The following PCDH15 variants were observed in gnomAD, a reference collection of about 807,000 sequenced individuals.
The protein encoded by PCDH15 is protocadherin-15.
A neutral mutation model predicts 178.5 loss-of-function variants in PCDH15; 129 were observed. That is an observed-to-expected ratio of 0.72 (90% confidence interval 0.63 to 0.84). PCDH15 has a LOEUF of 0.84. Among genes scored for constraint, PCDH15 ranks in the 40% least tolerant of loss-of-function variants. PCDH15 has a pLI of 0.00. For synonymous variants in PCDH15, 800 were observed against 732.0 expected (o/e 1.09, Z -1.50); for missense variants, 2,230 against 2,099.9 (o/e 1.06, Z -1.21).
intron 20 of PCDH15, among the ~76,000 whole-genome samples, chr10:54,017,110 G>A (rs568348725): frequency 4.6e-5 from 7 of 152,148 alleles, no homozygotes; most frequent in Non-Finnish European, 5.9e-5. Flanking sequence ...TGCAACATCC[G>A]TCTCCCGGGT....
At chr10:54,800,234 A>AT (rs779596038) in intron 1 of PCDH15, among the ~76,000 whole-genome samples, 12 of 152,130 alleles carry the variant, frequency 7.9e-5, no homozygotes, top group Non-Finnish European at 1.3e-4. Flanking sequence ...ACCAAAGTAT[A>AT]TTTTTTAAAG....
At chr10:53,957,898 GA>G (rs2087793180) in intron 23 of PCDH15, among the ~76,000 whole-genome samples, 1 of 152,046 alleles carries the variant, frequency 6.6e-6, no homozygotes, top group Admixed American at 6.6e-5. Context: ...GATTAAACAA[GA>G]ATTCTTATTT....
chr10:54,400,794 C>T (rs934330201), intron 3 of PCDH15, among the ~76,000 whole-genome samples: 8 of 151,470 alleles, frequency 5.3e-5, no homozygotes, highest in East Asian at 3.9e-4. Flanking sequence ...CAAAATATCA[C>T]CAAAATTAAA....
rs576969891 is a variant in PCDH15 at position 54,533,137 on chromosome 10, T to C, written c.92-5260A>G. On this transcript the variant is annotated intron_variant, in intron 2 of 37. Transcript: ENST00000644397. ...AATATTTAATATAAGAAATTTTTGG[T>C]CTTTATTTAGAAGTGTGGTGATGTT... is the stretch of plus-strand genomic sequence containing the variant. Among the ~76,000 whole-genome samples, 4 of 152,344 alleles carry C rather than the reference T, an allele frequency of 2.6e-5. No homozygotes were observed. In the South Asian group the frequency reaches 6.2e-4, roughly 24 times the overall value.
intron 2 of PCDH15, among the ~76,000 whole-genome samples, chr10:54,937,442 C>T (rs1193593610): frequency 6.6e-6 from 1 of 151,738 alleles, no homozygotes; most frequent in Admixed American, 6.6e-5. Context: ...TCTCCTAATC[C>T]CTGAACATAA....
intron 1 of PCDH15, among the ~76,000 whole-genome samples, chr10:55,286,118 GTTTC>G (rs1454096395): frequency 6.6e-6 from 1 of 151,804 alleles, no homozygotes; most frequent in Non-Finnish European, 1.5e-5. Flanking sequence ...ACCTACGCAT[GTTTC>G]TTTCTTTTCC....
At chr10:53,968,242 C>A (rs2089264310) in intron 21 of PCDH15, among the ~76,000 whole-genome samples, 1 of 152,154 alleles carries the variant, frequency 6.6e-6, no homozygotes, top group Non-Finnish European at 1.5e-5. Flanking sequence ...ACCCATGAAG[C>A]CTCACTCACT....
intron 3 of PCDH15, among the ~76,000 whole-genome samples, chr10:54,839,700 A>G (rs1953383191): frequency 6.6e-6 from 1 of 152,176 alleles, no homozygotes; most frequent in Non-Finnish European, 1.5e-5. Context: ...AAGATCATCA[A>G]GAGACACATT....
At chr10:55,487,507 A>G (rs1005402769) in intron 2 of PCDH15, among the ~76,000 whole-genome samples, 1 of 151,566 alleles carries the variant, frequency 6.6e-6, no homozygotes, top group Non-Finnish European at 1.5e-5. Context: ...TCTACCTCTC[A>G]TAGCATCTAT....
At chr10:54,750,232 T>C (rs1946037430) in intron 1 of PCDH15, among the ~76,000 whole-genome samples, 1 of 152,096 alleles carries the variant, frequency 6.6e-6, no homozygotes. Flanking sequence ...AGATGGCTTA[T>C]ATTGTTTATG....
chr10:54,479,846 T>C (rs2078580730), intron 3 of PCDH15, among the ~76,000 whole-genome samples: 1 of 152,060 alleles, frequency 6.6e-6, no homozygotes, highest in Non-Finnish European at 1.5e-5. Flanking sequence ...GTAAATGATG[T>C]CACATTGCAT....
intron 9 of PCDH15, among the ~76,000 whole-genome samples, chr10:54,216,934 A>G (rs899616018): frequency 2.6e-5 from 4 of 152,156 alleles, no homozygotes; most frequent in Non-Finnish European, 5.9e-5. Flanking sequence ...TTTAGCTATT[A>G]CTATGGAGTT....
At chr10:54,611,885 T>A (rs1179348590) in intron 2 of PCDH15, among the ~76,000 whole-genome samples, 1 of 151,834 alleles carries the variant, frequency 6.6e-6, no homozygotes, top group African/African-American at 2.4e-5. Flanking sequence ...AAAAAACAAA[T>A]TGTATGATTG....
chr10:54,808,337 G>A (rs1340096641), intron 3 of PCDH15, among the ~76,000 whole-genome samples: 1 of 152,204 alleles, frequency 6.6e-6, no homozygotes, highest in African/African-American at 2.4e-5. Flanking sequence ...CAAAATCAGA[G>A]AGCACATGTG....
chr10:55,598,810 C>T (rs1169708942), intron 2 of PCDH15, among the ~76,000 whole-genome samples: 7 of 151,860 alleles, frequency 4.6e-5, no homozygotes, highest in Admixed American at 3.9e-4. Flanking sequence ...TGCTTACACA[C>T]ATACAGAGGA....
intron 3 of PCDH15, among the ~76,000 whole-genome samples, chr10:54,492,189 A>G (rs2079658498): frequency 6.6e-6 from 1 of 152,164 alleles, no homozygotes; most frequent in South Asian, 2.1e-4. Flanking sequence ...CTCCCTGAAT[A>G]AAAGAGGCAA....
intron 11 of PCDH15, among the ~76,000 whole-genome samples, chr10:54,194,953 T>C (rs967521318): frequency 1.3e-5 from 2 of 152,156 alleles, no homozygotes; most frequent in African/African-American, 4.8e-5. Context: ...TGTCAGCAAA[T>C]GTGGCTACAA....
At chr10:55,568,973 A>G (rs1842356332) in intron 2 of PCDH15, among the ~76,000 whole-genome samples, 1 of 151,986 alleles carries the variant, frequency 6.6e-6, no homozygotes, top group Non-Finnish European at 1.5e-5. Context: ...TGGTGGAGAG[A>G]GTGGTGTTGC....
In PCDH15 at chr10:53,857,255, C is replaced by T; in HGVS notation, c.3726G>A (p.Val1242=). Residue 1242 remains valine, a synonymous_variant, in exon 28 of 38, where the codon GTG becomes GTA. Transcript: ENST00000644397. ...LSGKADVLVS[V]VNQLDMQVIV... is the part of the protein sequence containing the mutation. ...TGACTTGCATATCCAGCTGATTGAC[C>T]ACGGAGACCTGAAAGAAGAAAAAAC... 5 of 1,610,218 alleles carry T rather than the reference C, an allele frequency of 3.1e-6. No homozygotes were observed. Among genetic ancestry groups the T allele is most frequent in the Non-Finnish European group, 3.4e-6 (4 of 1,177,128 alleles).
Sources: gnomAD v4.1 joint callset for allele counts (sites outside exome capture counted in the v4.1 genomes callset) on GRCh38, gnomAD v4.1.1 for gene constraint, MANE v1.5 for transcripts, NCBI Gene and HGNC (gene_info 2026-07-23, HGNC 2026-07-21) for gene names.